CDH13: variants seen among roughly 807,000 people sequenced by gnomAD.
CDH13 encodes the protein cadherin 13.
Under a neutral mutation model 63.8 loss-of-function variants are expected in CDH13, and 24 were observed. That is an observed-to-expected ratio of 0.38 (90% CI 0.27 to 0.53). The LOEUF (loss-of-function observed/expected upper bound fraction) is 0.53, where lower values mean the gene tolerates loss of function less well. Among genes scored for constraint, CDH13 ranks in the 20% least tolerant of loss-of-function variants. The pLI, the probability that CDH13 is intolerant of heterozygous loss-of-function variation, is 0.85. For missense variants in CDH13, 1,049 were observed against 903.1 expected, an observed-to-expected ratio of 1.16 and a Z score of -2.07; for synonymous variants, 503 against 355.3, an observed-to-expected ratio of 1.42 and a Z score of -4.67.
Position 83,088,679 on chromosome 16 carries a change from A to G in CDH13, c.367-36706A>G, listed in dbSNP as rs544409334. On this transcript the variant is annotated intron_variant, in intron 3 of 13. Transcript: ENST00000567109. ...ATCAGAACTTTTCCAAAAACATGGG[A>G]TCTTTTACATGGCTCAACATGTTTA... Among the ~76,000 whole-genome samples the G allele has an allele frequency of 7.9e-5, 12 of 152,326 alleles. No individual in the cohort carries two copies. The East Asian group carries it at 2.3e-3, about 29-fold the overall frequency.
At chr16:83,072,464 T>C (rs2032510790) in intron 3 of CDH13, among the ~76,000 whole-genome samples, 1 of 152,170 alleles carries the variant, frequency 6.6e-6, no homozygotes, top group East Asian at 1.9e-4. Context: ...GGGTACCTCT[T>C]ATATGGAAAA....
intron 2 of CDH13, chr16:82,954,043 T>G (rs1174577387): frequency 1.3e-5 from 2 of 151,858 alleles, no homozygotes; most frequent in Non-Finnish European, 2.9e-5. Context: ...ATTTGGGAGG[T>G]AATGCCAAGA....
At chr16:83,156,933 G>A (rs1383018653) in intron 4 of CDH13, among the ~76,000 whole-genome samples, 2 of 152,124 alleles carry the variant, frequency 1.3e-5, no homozygotes, top group South Asian at 2.1e-4. Flanking sequence ...TTTTCCCACA[G>A]TGCTCTTCAA....
chr16:83,050,308 C>G (rs755970599), intron 3 of CDH13, among the ~76,000 whole-genome samples: 1 of 152,190 alleles, frequency 6.6e-6, no homozygotes, highest in Non-Finnish European at 1.5e-5. Flanking sequence ...CAACTGTCCC[C>G]TAGGAGTGGA....
At chr16:82,654,059 C>A (rs1301583621) in intron 1 of CDH13, among the ~76,000 whole-genome samples, 1 of 152,112 alleles carries the variant, frequency 6.6e-6, no homozygotes, top group Non-Finnish European at 1.5e-5. Context: ...AGAGAGGATT[C>A]CCCTTATGAC....
intron 7 of CDH13, among the ~76,000 whole-genome samples, chr16:83,602,107 CAAAAAAAAAAAAAAA>C (rs869202510): frequency 3.8e-4 from 3 of 7,960 alleles, no homozygotes; most frequent in South Asian, 0.011. Context: ...AGAACAACAA[CAAAAAAAAAAAAAAA>C]AAAAAAAAAA....
rs1046773752 is a variant in CDH13 at position 82,900,416 on chromosome 16, G to T, written c.157+41943G>T. On this transcript the variant is annotated intron_variant, in intron 2 of 13. Transcript: ENST00000567109. ...AAGGCCACAAGCCAAGTGTGGCCTG[G>T]TTCAAGAAGTACAGGGATGATACAG... Among the ~76,000 whole-genome samples, 34 of 78,208 alleles carry T rather than the reference G, an allele frequency of 4.3e-4. No individual in the cohort carries two copies. The Admixed American group carries it at 5.0e-3, about 11-fold the overall frequency. The allele number at this position is 78,208 out of a possible 152,430, so 51.3% of individuals were successfully genotyped here. A position where few individuals can be genotyped will look rare whatever the true frequency, so the allele number is the denominator to read the frequency against.
intron 6 of CDH13, among the ~76,000 whole-genome samples, chr16:83,379,227 G>A (rs193104419): frequency 1.2e-3 from 179 of 152,224 alleles, no homozygotes; most frequent in African/African-American, 4.1e-3. Context: ...AACTGTATAT[G>A]GTTTAGAAGG....
At chr16:82,858,723 G>C in intron 2 of CDH13, 3 of 590,164 alleles carry the variant, frequency 5.1e-6, no homozygotes. Flanking sequence ...TGTCAGAAAA[G>C]GGGGCTGTCA....
At chr16:83,630,611 T>A (rs1183692821) in intron 8 of CDH13, among the ~76,000 whole-genome samples, 2 of 152,232 alleles carry the variant, frequency 1.3e-5, no homozygotes, top group African/African-American at 2.4e-5. Context: ...TCTGCATTTT[T>A]ACGTAAACAA....
chr16:83,329,325 A>G (rs546697328), intron 5 of CDH13, among the ~76,000 whole-genome samples: 2 of 152,188 alleles, frequency 1.3e-5, no homozygotes, highest in African/African-American at 4.8e-5. Flanking sequence ...TGCTAGGTTC[A>G]AGTGATTCTC....
chr16:83,798,859 G>C lies in CDH13; in HGVS notation c.*3829G>C, dbSNP rs1376325318. On this transcript the variant is annotated 3_prime_UTR_variant, in exon 14 of 14. Coordinates refer to ENST00000567109, the MANE Select transcript of CDH13 (RefSeq NM_001257.5). ...CATGCTATACTTCTTCAATCTGAAA[G>C]CTTTCTGTTAAAAAAAAAAATGTTA... 9.0e-6 allele frequency: 1 copy of C among 111,214 alleles called. No individual in the cohort carries two copies. Among genetic ancestry groups the C allele is most frequent in the African/African-American group, 3.5e-5 (1 of 28,310 alleles). The allele number at this position is 111,214 out of a possible 1,614,324, so 6.9% of individuals were successfully genotyped here. A position where few individuals can be genotyped will look rare whatever the true frequency, so the allele number is the denominator to read the frequency against.
chr16:82,808,542 G>A (rs889044761), intron 1 of CDH13, among the ~76,000 whole-genome samples: 1 of 152,178 alleles, frequency 6.6e-6, no homozygotes, highest in Non-Finnish European at 1.5e-5. Flanking sequence ...AAAGGCAAGT[G>A]ATAGGTACAC....
chr16:83,766,900 C>T (rs1219546790), intron 11 of CDH13, among the ~76,000 whole-genome samples: 1 of 152,184 alleles, frequency 6.6e-6, no homozygotes, highest in Admixed American at 6.5e-5. Flanking sequence ...CCCCTGCTTG[C>T]ACTCACTCTG....
chr16:82,967,816 G>C (rs891090893), intron 2 of CDH13, among the ~76,000 whole-genome samples: 1 of 152,184 alleles, frequency 6.6e-6, no homozygotes, highest in Admixed American at 6.5e-5. Flanking sequence ...CACTTACAGA[G>C]GGTGGTGTCT....
At chr16:83,303,737 C>T (rs2089805733) in intron 5 of CDH13, among the ~76,000 whole-genome samples, 1 of 152,142 alleles carries the variant, frequency 6.6e-6, no homozygotes, top group African/African-American at 2.4e-5. Flanking sequence ...AACCTTGAGG[C>T]TACTGCTTCA....
chr16:83,244,508 A>G (rs1904790045), intron 5 of CDH13, among the ~76,000 whole-genome samples: 2 of 152,184 alleles, frequency 1.3e-5, no homozygotes, highest in Non-Finnish European at 1.5e-5. Flanking sequence ...AGTCTGTGCC[A>G]CTGATCAGTG....
At chr16:83,365,742 A>G (rs917496913) in intron 6 of CDH13, among the ~76,000 whole-genome samples, 1 of 152,242 alleles carries the variant, frequency 6.6e-6, no homozygotes. Flanking sequence ...GAGAAGAGTT[A>G]GAGAAATGAG....
At chr16:82,870,428 A>C (rs1360875049) in intron 2 of CDH13, among the ~76,000 whole-genome samples, 2 of 152,156 alleles carry the variant, frequency 1.3e-5, no homozygotes, top group African/African-American at 4.8e-5. Flanking sequence ...AAAACTAAAA[A>C]TAGAACTACT....
Sources: allele counts gnomAD v4.1 joint callset (sites outside exome capture counted in the v4.1 genomes callset), GRCh38; gene constraint gnomAD v4.1.1; transcripts MANE v1.5; gene names NCBI Gene and HGNC (gene_info 2026-07-23, HGNC 2026-07-21).